ELAVL2: variants seen among roughly 807,000 people sequenced by gnomAD.
ELAVL2 encodes the protein ELAV-like protein 2.
A neutral mutation model predicts 34.6 loss-of-function variants in ELAVL2; 4 were observed. That is an observed-to-expected ratio of 0.12 (90% CI 0.06 to 0.26). The LOEUF is 0.26. Ranked by LOEUF, ELAVL2 falls within the 10% of genes least tolerant of loss-of-function variation. The pLI is 1.00. For missense variants in ELAVL2, 432 were observed against 442.8 expected (o/e 0.98, Z 0.22); for synonymous variants, 193 against 154.8 (o/e 1.25, Z -1.83).
At chr9:23,816,700 G>T (rs1163683327) in intron 1 of ELAVL2, among the ~76,000 whole-genome samples, 2 of 152,038 alleles carry the variant, frequency 1.3e-5, no homozygotes, top group Non-Finnish European at 2.9e-5. Flanking sequence ...GCAGTCTATG[G>T]TAAGAGACTC....
chr9:23,820,347 T>C lies in ELAVL2; in HGVS notation c.-16+5459A>G, dbSNP rs368973887. ...CTAGAAAATTAAGTTTTAAAAGCGC[T>C]TTTGTCCTTGCCGAAGGTATTACAT... On this transcript the variant is annotated intron_variant, in intron 1 of 6. Transcript: ENST00000397312. 1.3e-3 allele frequency among the ~76,000 whole-genome samples: 204 copies of C among 152,292 alleles called. 1 individual carries two copies. The highest frequency in any genetic ancestry group is 4.9e-3 in the African/African-American group (202 of 41,558).
At chr9:23,695,923 T>A (rs563776509) in intron 5 of ELAVL2, among the ~76,000 whole-genome samples, 1 of 152,308 alleles carries the variant, frequency 6.6e-6, no homozygotes, top group East Asian at 1.9e-4. Flanking sequence ...TCCATCTCCC[T>A]CACTTCCATC....
At chr9:23,740,797 A>G (rs2048976688) in intron 2 of ELAVL2, among the ~76,000 whole-genome samples, 1 of 152,210 alleles carries the variant, frequency 6.6e-6, no homozygotes, top group African/African-American at 2.4e-5. Context: ...CTTGATTTAC[A>G]TACTCCTTTT....
At chr9:23,840,694 T>C in the ELAVL2 span, among the ~76,000 whole-genome samples, 1 of 152,140 alleles carries the variant, frequency 6.6e-6, no homozygotes, top group Non-Finnish European at 1.5e-5. Context: ...TGAAACAACA[T>C]GTGAGATAAC....
At chr9:23,704,258 G>T (rs116967681) in intron 4 of ELAVL2, among the ~76,000 whole-genome samples, 2,855 of 152,076 alleles carry the variant, frequency 0.019, 46 homozygotes, top group Non-Finnish European at 0.028. Context: ...ATAGAAAATT[G>T]TATCTGTATT....
intron 2 of ELAVL2, among the ~76,000 whole-genome samples, chr9:23,738,698 T>C (rs962369463): frequency 6.6e-6 from 1 of 152,148 alleles, no homozygotes; most frequent in African/African-American, 2.4e-5. Flanking sequence ...TACAGATACA[T>C]GGAGCTAATA....
upstream of ELAVL2, chr9:23,830,112 G>C (rs2065450828): frequency 6.6e-6 from 1 of 152,112 alleles, no homozygotes; most frequent in African/African-American, 2.4e-5. Context: ...AATCCAGGTA[G>C]TCTTCGAAAA....
chr9:23,797,480 T>A (rs936385470), intron 1 of ELAVL2, among the ~76,000 whole-genome samples: 9 of 152,120 alleles, frequency 5.9e-5, no homozygotes, highest in African/African-American at 2.2e-4. Flanking sequence ...AGGCCAGCTA[T>A]TGGGAATTTA....
At chr9:23,794,011 C>T (rs2060621720) in intron 1 of ELAVL2, among the ~76,000 whole-genome samples, 1 of 152,168 alleles carries the variant, frequency 6.6e-6, no homozygotes. Flanking sequence ...TGTATGTGGT[C>T]ATCTTTATAT....
At chr9:23,765,211 G>C in intron 1 of ELAVL2, 4 of 923,416 alleles carry the variant, frequency 4.3e-6, no homozygotes, top group Non-Finnish European at 6.4e-6. Context: ...CGTCCATGCA[G>C]TGTGGCTTAA....
chr9:23,692,440 C>T lies in ELAVL2; in HGVS notation c.*117G>A. 1 of 1,056,078 alleles carries T rather than the reference C, an allele frequency of 9.5e-7. No individual in the cohort carries two copies. Among genetic ancestry groups the T allele is most frequent in the African/African-American group, 1.6e-5 (1 of 62,282 alleles). The allele number at this position is 1,056,078 out of a possible 1,614,324, so 65.4% of individuals were successfully genotyped here. On this transcript the variant is annotated 3_prime_UTR_variant, in exon 7 of 7. Transcript: ENST00000397312. ...CATATTTCTTAGGATGCTAAGTAGT[C>T]ATTTTATCCCCATCTCAACACTGAC...
chr9:23,759,314 G>C (rs2054309981), intron 2 of ELAVL2, among the ~76,000 whole-genome samples: 1 of 151,940 alleles, frequency 6.6e-6, no homozygotes, highest in Non-Finnish European at 1.5e-5. Context: ...AGGTGAGACA[G>C]CCAAATACCA....
chr9:23,731,065 A>G lies in ELAVL2; in HGVS notation c.290T>C (p.Ile97Thr). The G allele has an allele frequency of 1.2e-6, 2 of 1,613,344 alleles. No homozygotes were observed. The highest frequency in any genetic ancestry group is 1.7e-6 in the Non-Finnish European group (2 of 1,179,500). ...YIDPKDAEKA[I>T]NTLNGLRLQT... ...AAGTCTCAATCCATTCAGGGTGTTG[A>G]TAGCTTTCTCTGCATCCTTGGGGTC... Residue 97 changes from isoleucine to threonine, a missense_variant, in exon 3 of 7, where the codon ATC becomes ACC. Ile to Thr is a moderately conservative substitution (Grantham distance 89). Transcript: ENST00000397312.
upstream of ELAVL2, among the ~76,000 whole-genome samples, chr9:23,830,601 TACACAC>T (rs10525135): frequency 7.4e-3 from 989 of 133,170 alleles, 6 homozygotes; most frequent in East Asian, 0.037. Context: ...GCCCCCCACT[TACACAC>T]ACACACACAC....
chr9:23,787,271 T>G (rs1489339223), intron 1 of ELAVL2, among the ~76,000 whole-genome samples: 1 of 151,998 alleles, frequency 6.6e-6, no homozygotes, highest in African/African-American at 2.4e-5. Context: ...CATTTTTTTT[T>G]TTTTTGAGAC....
intron 3 of ELAVL2, among the ~76,000 whole-genome samples, chr9:23,713,043 A>G (rs964180114): frequency 1.3e-5 from 2 of 152,170 alleles, no homozygotes; most frequent in African/African-American, 4.8e-5. Flanking sequence ...AATGCTACCC[A>G]AACAGTTGCA....
Position 23,722,045 on chromosome 9 carries a change from G to C in ELAVL2, c.333+8977C>G, listed in dbSNP as rs1027672971. On this transcript the variant is annotated intron_variant, in intron 3 of 6. Transcript: ENST00000397312. ...AGCTCTGTCTCATTGCCCAAAAGCA[G>C]CATGTCAAGACACTTCTGGAAATAA... 2.0e-5 allele frequency among the ~76,000 whole-genome samples: 3 copies of C among 152,138 alleles called. No homozygotes were observed. In the South Asian group the frequency reaches 6.2e-4, roughly 31 times the overall value.
intron 1 of ELAVL2, among the ~76,000 whole-genome samples, chr9:23,777,937 A>G (rs1471410993): frequency 6.7e-6 from 1 of 149,988 alleles, no homozygotes; most frequent in Non-Finnish European, 1.5e-5. Context: ...ACTAAGACCT[A>G]TTCTAATAAA....
At chr9:23,793,460 TG>T in intron 1 of ELAVL2, among the ~76,000 whole-genome samples, 1 of 152,296 alleles carries the variant, frequency 6.6e-6, no homozygotes, top group East Asian at 1.9e-4. Flanking sequence ...AGATTTGATC[TG>T]AGCTCAATCA....
Sources: gnomAD v4.1 joint callset for allele counts (sites outside exome capture counted in the v4.1 genomes callset) on GRCh38, gnomAD v4.1.1 for gene constraint, MANE v1.5 for transcripts, NCBI Gene and HGNC (gene_info 2026-07-23, HGNC 2026-07-21) for gene names.